The following RAPGEF1 variants were observed in gnomAD, a reference collection of about 807,000 sequenced individuals.
RAPGEF1 encodes the protein Rap guanine nucleotide exchange factor 1, also known as CRK SH3-binding GNRP.
Under a neutral mutation model 143.3 loss-of-function variants are expected in RAPGEF1, and 33 were observed. That is an observed-to-expected ratio of 0.23 (90% CI 0.17 to 0.31). RAPGEF1 has a LOEUF of 0.31. Among genes scored for constraint, RAPGEF1 ranks in the 10% least tolerant of loss-of-function variants. The pLI, the probability that RAPGEF1 is intolerant of heterozygous loss-of-function variation, is 1.00. For missense variants in RAPGEF1, 1,199 were observed against 1,645.4 expected (o/e 0.73, Z 4.69); for synonymous variants, 629 against 676.5 (o/e 0.93, Z 1.09).
intron 5 of RAPGEF1, among the ~76,000 whole-genome samples, chr9:131,635,737 C>T (rs1383636005): frequency 2.0e-5 from 3 of 148,024 alleles, no homozygotes; most frequent in Admixed American, 6.8e-5. Context: ...GCACAGGAGC[C>T]GGGGAGGGGG....
At chr9:131,680,087 C>T (rs1832777636) in intron 1 of RAPGEF1, among the ~76,000 whole-genome samples, 1 of 152,250 alleles carries the variant, frequency 6.6e-6, no homozygotes, top group Non-Finnish European at 1.5e-5. Context: ...AAACTCCCAT[C>T]CCCAAATTTT....
intron 1 of RAPGEF1, among the ~76,000 whole-genome samples, chr9:131,712,235 G>A (rs1478590687): frequency 6.6e-6 from 1 of 152,186 alleles, no homozygotes; most frequent in Non-Finnish European, 1.5e-5. Context: ...CCCACCACGC[G>A]AGAGGGGTCC....
At chr9:131,657,613 A>C (rs79899424) in intron 1 of RAPGEF1, among the ~76,000 whole-genome samples, 2 of 152,330 alleles carry the variant, frequency 1.3e-5, no homozygotes, top group East Asian at 3.9e-4. Flanking sequence ...CTAACACGAC[A>C]GGCACTAGTG....
At chr9:131,631,797 G>A (rs1410147136) in intron 5 of RAPGEF1, among the ~76,000 whole-genome samples, 2 of 152,094 alleles carry the variant, frequency 1.3e-5, no homozygotes, top group African/African-American at 4.8e-5. Flanking sequence ...TGAACACGCC[G>A]AAAAAAATAT....
intron 1 of RAPGEF1, among the ~76,000 whole-genome samples, chr9:131,715,685 G>GAA (rs2131244190): frequency 6.6e-6 from 1 of 152,078 alleles, no homozygotes; most frequent in African/African-American, 2.4e-5. Flanking sequence ...CCAAGATGGT[G>GAA]AAACCCCATC....
chr9:131,686,380 G>A (rs543235556), intron 1 of RAPGEF1, among the ~76,000 whole-genome samples: 2 of 152,144 alleles, frequency 1.3e-5, no homozygotes, highest in African/African-American at 4.8e-5. Flanking sequence ...CTGGCTCTGT[G>A]GGTCTCCGAC....
At chr9:131,603,349 G>T (rs1176755089) in intron 14 of RAPGEF1, among the ~76,000 whole-genome samples, 1 of 152,248 alleles carries the variant, frequency 6.6e-6, no homozygotes, top group Non-Finnish European at 1.5e-5. Flanking sequence ...GCAAAATGTG[G>T]AAAGTGGATT....
intron 15 of RAPGEF1, among the ~76,000 whole-genome samples, chr9:131,599,501 C>T (rs535937305): frequency 6.6e-6 from 1 of 150,898 alleles, no homozygotes; most frequent in South Asian, 2.1e-4. Flanking sequence ...CAGAAGGGTA[C>T]CATGAGCACA....
chr9:131,628,691 T>A lies in RAPGEF1; in HGVS notation c.894-19A>T, dbSNP rs772321181. 5.1e-6 allele frequency: 8 copies of A among 1,582,832 alleles called. No homozygotes were observed. The highest frequency in any genetic ancestry group is 1.3e-5 in the African/African-American group (1 of 74,234). On this transcript the variant is annotated intron_variant, in intron 7 of 26. Coordinates refer to ENST00000683357, the MANE Select transcript of RAPGEF1 (RefSeq NM_001377935.1). The surrounding 1 kb of genome is among the most constrained non-coding windows in gnomAD (Gnocchi z 5.7). ...TGGAGGACTGAAACAGACCGAAACG[T>A]CCAGGCAGACCAAACCACACTCACC...
intron 1 of RAPGEF1, among the ~76,000 whole-genome samples, chr9:131,722,911 G>C (rs559787807): frequency 4.6e-5 from 7 of 152,186 alleles, no homozygotes; most frequent in African/African-American, 1.7e-4. Context: ...AACGGGGCGG[G>C]GGGCAGGCAT....
At chr9:131,674,626 C>T (rs1051383246) in intron 1 of RAPGEF1, among the ~76,000 whole-genome samples, 7 of 152,186 alleles carry the variant, frequency 4.6e-5, no homozygotes, top group Non-Finnish European at 7.3e-5. Flanking sequence ...GCGGTGGGCG[C>T]GTGGAGGTGG....
intron 5 of RAPGEF1, among the ~76,000 whole-genome samples, chr9:131,636,814 A>G (rs1966485433): frequency 6.6e-6 from 1 of 152,188 alleles, no homozygotes; most frequent in Non-Finnish European, 1.5e-5. Context: ...ATGATAATGT[A>G]CGTGCCTGTC....
intron 15 of RAPGEF1, among the ~76,000 whole-genome samples, chr9:131,600,164 G>C (rs1218507489): frequency 2.6e-5 from 4 of 152,166 alleles, no homozygotes; most frequent in African/African-American, 9.7e-5. Context: ...GGATGGGTCA[G>C]AGTGGGCCCT....
chr9:131,637,460 G>A (rs979984866), intron 5 of RAPGEF1, among the ~76,000 whole-genome samples: 1 of 152,092 alleles, frequency 6.6e-6, no homozygotes, highest in African/African-American at 2.4e-5. Context: ...TAAGTCCTTT[G>A]GGGGTCCTTA....
intron 3 of RAPGEF1, among the ~76,000 whole-genome samples, chr9:131,647,991 C>T (rs997297357): frequency 6.6e-6 from 1 of 151,956 alleles, no homozygotes; most frequent in Non-Finnish European, 1.5e-5. Flanking sequence ...AAAAATGTCT[C>T]CAGACATTGC....
chr9:131,635,224 T>A (rs908742272), intron 5 of RAPGEF1, among the ~76,000 whole-genome samples: 1 of 152,166 alleles, frequency 6.6e-6, no homozygotes, highest in Non-Finnish European at 1.5e-5. Context: ...ATATACTTTA[T>A]CTTACTGAAT....
rs1342360802 is a variant in RAPGEF1 at position 131,724,155 on chromosome 9, C to T, written c.61+15615G>A. Among the ~76,000 whole-genome samples, 3 of 152,208 alleles carry T rather than the reference C, an allele frequency of 2.0e-5. No homozygotes were observed. In the East Asian group the frequency reaches 5.8e-4, roughly 29 times the overall value. ...CATGCCAAAGCTGTAGATCTTCATC[C>T]TCACTCAGGTAACTCATCGGACTGT... On this transcript the variant is annotated intron_variant, in intron 1 of 26. Transcript: ENST00000683357.
In RAPGEF1 at chr9:131,664,721, G is replaced by A. The variant is rs1830154823; in HGVS notation, c.62-13772C>T. Among the ~76,000 whole-genome samples the A allele has an allele frequency of 2.0e-5, 3 of 152,302 alleles. No individual in the cohort carries two copies. The South Asian group carries it at 6.2e-4, about 32-fold the overall frequency. The stretch of plus-strand genomic sequence containing the variant: ...TCTTTTAGTCCTTAGAATATATCCT[G>A]TGATGGGCATATAGCAAGTACTGTG... On this transcript the variant is annotated intron_variant, in intron 1 of 26. Coordinates refer to ENST00000683357, the MANE Select transcript of RAPGEF1 (RefSeq NM_001377935.1).
intron 1 of RAPGEF1, among the ~76,000 whole-genome samples, chr9:131,688,340 C>T (rs1443161912): frequency 6.6e-6 from 1 of 152,204 alleles, no homozygotes; most frequent in Admixed American, 6.5e-5. Flanking sequence ...AAAAGAACCA[C>T]AATTCACTGT....
Sources: allele counts gnomAD v4.1 joint callset (sites outside exome capture counted in the v4.1 genomes callset), GRCh38; gene constraint gnomAD v4.1.1; non-coding constraint Gnocchi (gnomAD v3.1); transcripts MANE v1.5; gene names NCBI Gene and HGNC (gene_info 2026-07-23, HGNC 2026-07-21).